The following BCAS3 variants were observed in gnomAD, a reference collection of about 807,000 sequenced individuals.
BCAS3 encodes the protein BCAS3 microtubule associated cell migration factor.
In BCAS3, 53 loss-of-function variants were observed where a neutral mutation model predicts 116.1. The ratio of observed to expected loss-of-function variants is 0.46; its 90% confidence interval spans 0.37 to 0.57. The LOEUF is 0.57. Ranked by LOEUF, BCAS3 falls within the 20% of genes least tolerant of loss-of-function variation. The pLI is 0.00. For synonymous variants in BCAS3, 391 were observed against 408.2 expected (o/e 0.96, Z 0.51); for missense variants, 917 against 1,165.4 (o/e 0.79, Z 3.10).
intron 22 of BCAS3, among the ~76,000 whole-genome samples, chr17:61,173,566 G>GA (rs1309796679): frequency 6.6e-6 from 1 of 151,780 alleles, no homozygotes; most frequent in African/African-American, 2.4e-5. Context: ...TATTAGAAAA[G>GA]AAAAAAAGGT....
chr17:60,733,388 T>C (rs1475376073), intron 5 of BCAS3, among the ~76,000 whole-genome samples: 4 of 152,232 alleles, frequency 2.6e-5, no homozygotes, highest in African/African-American at 9.6e-5. Context: ...AGGTATTGGC[T>C]GCTCTTGCTC....
rs374866167 is a variant in BCAS3 at position 61,219,083 on chromosome 17, G to C, written c.2425+134519G>C. Among the ~76,000 whole-genome samples the C allele has an allele frequency of 2.0e-5, 3 of 152,050 alleles. No homozygotes were observed. The highest frequency in any genetic ancestry group is 2.0e-4 in the Admixed American group (3 of 15,278). On this transcript the variant is annotated intron_variant, in intron 22 of 23. Coordinates refer to ENST00000407086, the MANE Select transcript of BCAS3 (RefSeq NM_017679.5). This position sits in a 1 kb window ranked among gnomAD's most constrained non-coding sequence, Gnocchi z 5.2. ...TGGCTCTCTAGAATTAGGATTCTGC[G>C]CTCCGTAACTAATATTTTTATAGGA...
chr17:60,859,572 AT>A (rs67129602), intron 7 of BCAS3, among the ~76,000 whole-genome samples: 134 of 144,186 alleles, frequency 9.3e-4, no homozygotes, highest in Middle Eastern at 7.2e-3. Flanking sequence ...TATGTACCAC[AT>A]TTTTTTTTTT....
intron 22 of BCAS3, among the ~76,000 whole-genome samples, chr17:61,292,949 G>A (rs11655729): frequency 0.018 from 2,687 of 152,190 alleles, 28 homozygotes; most frequent in Non-Finnish European, 0.02. Context: ...TCATATAAAC[G>A]TAAGCAATAA....
chr17:61,122,682 C>T lies in BCAS3; in HGVS notation c.2425+38118C>T, dbSNP rs2075844188. On this transcript the variant is annotated intron_variant, in intron 22 of 23. Coordinates refer to ENST00000407086, the MANE Select transcript of BCAS3 (RefSeq NM_017679.5). The surrounding 1 kb of genome is among the most constrained non-coding windows in gnomAD (Gnocchi z 4.6). ...TTGAAAGGGAAATCATATACATTTC[C>T]TTAAACTCACATGCTGAATTTTCCC... Among the ~76,000 whole-genome samples, 1 of 152,056 alleles carries T rather than the reference C, an allele frequency of 6.6e-6. No homozygotes were observed. Among genetic ancestry groups the T allele is most frequent in the Non-Finnish European group, 1.5e-5 (1 of 68,024 alleles).
chr17:61,042,891 C>CAAAAAAAA lies in BCAS3; in HGVS notation c.2029+2016_2029+2023dup, dbSNP rs35629825. Among the ~76,000 whole-genome samples the CAAAAAAAA allele has an allele frequency of 2.5e-3, 144 of 58,024 alleles. 1 individual carries two copies. Among genetic ancestry groups the CAAAAAAAA allele is most frequent in the East Asian group, 6.0e-3 (8 of 1,326 alleles). The allele number at this position is 58,024 out of a possible 152,430, so 38.1% of individuals were successfully genotyped here. ...GGCAACAGAGCAAGACTCCATCTCA[C>CAAAAAAAA]AAAAAAAAAAAAAAAAAAAAAAAAG... is the stretch of plus-strand genomic sequence containing the variant. On this transcript the variant is annotated intron_variant, in intron 19 of 23. Transcript: ENST00000407086.
At chr17:60,753,309 T>C (rs11654158) in intron 6 of BCAS3, among the ~76,000 whole-genome samples, 110,267 of 151,654 alleles carry the variant, frequency 0.73, 45,826 homozygotes, top group South Asian at 0.98. Flanking sequence ...CTGTATTTTA[T>C]TATGCCTAAC....
Position 61,278,168 on chromosome 17 carries a change from G to A in BCAS3, c.2426-90159G>A, listed in dbSNP as rs1232437161. 2.6e-5 allele frequency among the ~76,000 whole-genome samples: 4 copies of A among 152,116 alleles called. No individual in the cohort carries two copies. The highest frequency in any genetic ancestry group is 7.2e-5 in the African/African-American group (3 of 41,432). On this transcript the variant is annotated intron_variant, in intron 22 of 23. Coordinates refer to ENST00000407086, the MANE Select transcript of BCAS3 (RefSeq NM_017679.5). The surrounding 1 kb of genome is among the most constrained non-coding windows in gnomAD (Gnocchi z 5.8). The stretch of plus-strand genomic sequence containing the variant: ...AGCAATTCTCCTGCCTCAGCCTCCC[G>A]AGTAGCTGGGATTACAGACACATGC...
In BCAS3 at chr17:60,990,713, C is replaced by G. The variant is rs1600270867; in HGVS notation, c.1486+478C>G. Among the ~76,000 whole-genome samples, 1 of 150,776 alleles carries G rather than the reference C, an allele frequency of 6.6e-6. No individual in the cohort carries two copies. ...CTGGGCTGGCATGCAATGGCGTGATCTCGGCTGACTGCAACCTCTACCTCC... is the reference window on the plus strand; with the variant it reads ...CTGGGCTGGCATGCAATGGCGTGATGTCGGCTGACTGCAACCTCTACCTCC... On this transcript the variant is annotated intron_variant, in intron 15 of 23. Transcript: ENST00000407086. This position sits in a 1 kb window ranked among gnomAD's most constrained non-coding sequence, Gnocchi z 5.1.
Position 61,391,951 on chromosome 17 carries a change from G to A in BCAS3, c.2594-26G>A, listed in dbSNP as rs1209049189. On this transcript the variant is annotated intron_variant, in intron 23 of 23. Transcript: ENST00000407086. This position sits in a 1 kb window ranked among gnomAD's most constrained non-coding sequence, Gnocchi z 7.7. ...ACTCCCCAGACCCAACTCTAACCAGGCCTGGCCCTCTCCTGTGTCTTGCAG... is the reference window on the plus strand; with the variant it reads ...ACTCCCCAGACCCAACTCTAACCAGACCTGGCCCTCTCCTGTGTCTTGCAG... 1.2e-6 allele frequency: 2 copies of A among 1,610,684 alleles called. No individual in the cohort carries two copies. Among genetic ancestry groups the A allele is most frequent in the Non-Finnish European group, 1.7e-6 (2 of 1,178,890 alleles).
rs541806626 is a variant in BCAS3, at chr17:61,387,756, G to A, written c.2594-4221G>A. 3.9e-5 allele frequency among the ~76,000 whole-genome samples: 6 copies of A among 152,322 alleles called. 1 individual carries two copies. In the South Asian group the frequency reaches 6.2e-4, roughly 16 times the overall value. On this transcript the variant is annotated intron_variant, in intron 23 of 23. Coordinates refer to ENST00000407086, the MANE Select transcript of BCAS3 (RefSeq NM_017679.5). The surrounding 1 kb of genome is among the most constrained non-coding windows in gnomAD (Gnocchi z 6.2). ...CACCCTGTGGCCCGCACCAGCACCC[G>A]TTCTTTCTTGGGGGATGGGGGTGGG... is the stretch of plus-strand genomic sequence containing the variant.
rs1568446275 is a variant in BCAS3, at chr17:61,144,975, T to G, written c.2425+60411T>G. 6.6e-6 allele frequency among the ~76,000 whole-genome samples: 1 copy of G among 152,248 alleles called. No homozygotes were observed. Among genetic ancestry groups the G allele is most frequent in the African/African-American group, 2.4e-5 (1 of 41,466 alleles). On this transcript the variant is annotated intron_variant, in intron 22 of 23. Transcript: ENST00000407086. The surrounding 1 kb of genome is among the most constrained non-coding windows in gnomAD (Gnocchi z 5.0). The stretch of plus-strand genomic sequence containing the variant: ...TAAAAATATAAAAGTGCTTAAAATT[T>G]TCTTTCTGTTTCCTTATCAGAAATA...
Position 61,084,703 on chromosome 17 carries a change from T to A in BCAS3, c.2425+139T>A, listed in dbSNP as rs1007130544. 1 of 719,160 alleles carries A rather than the reference T, an allele frequency of 1.4e-6. No individual in the cohort carries two copies. Among genetic ancestry groups the A allele is most frequent in the Non-Finnish European group, 2.4e-6 (1 of 416,912 alleles). The allele number at this position is 719,160 out of a possible 1,614,324, so 44.5% of individuals were successfully genotyped here. A position where few individuals can be genotyped will look rare whatever the true frequency, so the allele number is the denominator to read the frequency against. ...GTGGTGTGTGTGCATTTTAATACAG[T>A]ACTGTGCCTATATTTCTTGCTGAAC... On this transcript the variant is annotated intron_variant, in intron 22 of 23. Transcript: ENST00000407086. This position sits in a 1 kb window ranked among gnomAD's most constrained non-coding sequence, Gnocchi z 5.5.
chr17:61,104,306 A>G lies in BCAS3; in HGVS notation c.2425+19742A>G, dbSNP rs1176125316. On this transcript the variant is annotated intron_variant, in intron 22 of 23. Coordinates refer to ENST00000407086, the MANE Select transcript of BCAS3 (RefSeq NM_017679.5). This position sits in a 1 kb window ranked among gnomAD's most constrained non-coding sequence, Gnocchi z 4.1. ...ACCTTGACCAAGGAGTAGCTAAGACATATTTTTCTGCTTTTATTTTTTAAA... is the reference window on the plus strand; with the variant it reads ...ACCTTGACCAAGGAGTAGCTAAGACGTATTTTTCTGCTTTTATTTTTTAAA... Among the ~76,000 whole-genome samples the G allele has an allele frequency of 3.9e-5, 6 of 152,280 alleles. No individual in the cohort carries two copies. The highest frequency in any genetic ancestry group is 7.2e-5 in the African/African-American group (3 of 41,546).
intron 9 of BCAS3, chr17:60,886,944 A>C (rs1230259746): frequency 6.5e-6 from 1 of 153,042 alleles, no homozygotes; most frequent in East Asian, 1.9e-4. Context: ...AGTGGCAGGC[A>C]GGCCTCCTTG....
intron 22 of BCAS3, among the ~76,000 whole-genome samples, chr17:61,291,387 T>C (rs575120943): frequency 2.6e-5 from 4 of 152,290 alleles, no homozygotes; most frequent in Admixed American, 1.3e-4. Flanking sequence ...GAGCTTGCTT[T>C]CTGTAGCTCC....
At position 61,237,450 on chromosome 17, in the gene BCAS3, C is replaced by T. The variant is rs564731285; in HGVS notation, c.2426-130877C>T. The stretch of plus-strand genomic sequence containing the variant: ...TAAAGGAATAAAAGCTGGCCATCCC[C>T]GCCAGCAGCGGCAACCCACTGAGGC... On this transcript the variant is annotated intron_variant, in intron 22 of 23. Transcript: ENST00000407086. 3.9e-5 allele frequency among the ~76,000 whole-genome samples: 6 copies of T among 152,318 alleles called. No homozygotes were observed. The East Asian group carries it at 7.7e-4, about 20-fold the overall frequency.
chr17:61,178,890 C>T (rs2079306413), intron 22 of BCAS3, among the ~76,000 whole-genome samples: 1 of 152,076 alleles, frequency 6.6e-6, no homozygotes, highest in Non-Finnish European at 1.5e-5. Context: ...TGGAGCTTTG[C>T]AAAGTAATGA....
chr17:61,206,795 C>G (rs553868225), intron 22 of BCAS3, among the ~76,000 whole-genome samples: 2 of 75,878 alleles, frequency 2.6e-5, no homozygotes, highest in South Asian at 1.1e-3. Context: ...GAGCGAAACT[C>G]TGTCTCAAAA....
Sources: gnomAD v4.1 joint callset for allele counts (sites outside exome capture counted in the v4.1 genomes callset) on GRCh38, gnomAD v4.1.1 for gene constraint, Gnocchi (gnomAD v3.1) non-coding constraint, MANE v1.5 for transcripts, NCBI Gene and HGNC (gene_info 2026-07-23, HGNC 2026-07-21) for gene names.